ZSCAN32: variants seen among roughly 807,000 people sequenced by gnomAD.
ZSCAN32 encodes the protein zinc finger and SCAN domain-containing protein 32.
Under a neutral mutation model 47.4 loss-of-function variants are expected in ZSCAN32, and 52 were observed. That is an observed-to-expected ratio of 1.10 (90% CI 0.88 to 1.38). The LOEUF is 1.38. ZSCAN32 is among the 40% of genes most tolerant of loss of function. The pLI is 0.00. For synonymous variants in ZSCAN32, 346 were observed against 305.7 expected (o/e 1.13, Z -1.38); for missense variants, 959 against 846.0 (o/e 1.13, Z -1.66).
intron 5 of ZSCAN32, among the ~76,000 whole-genome samples, chr16:3,388,662 C>A (rs896225612): frequency 1.3e-5 from 2 of 152,182 alleles, no homozygotes; most frequent in African/African-American, 2.4e-5. Flanking sequence ...TCAACTCTTA[C>A]CTCTAATTTT....
At chr16:3,392,531 TA>T (rs2032837255) in intron 3 of ZSCAN32, among the ~76,000 whole-genome samples, 5 of 152,100 alleles carry the variant, frequency 3.3e-5, no homozygotes, top group Admixed American at 3.3e-4. Flanking sequence ...TTTTTTAGTT[TA>T]AAAAGTTTTC....
At chr16:3,397,150 C>G in intron 2 of ZSCAN32, 42 bp downstream of exon 2, 1 of 1,475,456 alleles carries the variant, frequency 6.8e-7, no homozygotes, top group Non-Finnish European at 9.0e-7. Flanking sequence ...TCCCCGACAA[C>G]TTCATAACCA....
chr16:3,389,019 TAAAAATCAC>T (rs2032343411), intron 5 of ZSCAN32, among the ~76,000 whole-genome samples: 1 of 152,212 alleles, frequency 6.6e-6, no homozygotes, highest in African/African-American at 2.4e-5. Flanking sequence ...CCTAATAAGT[TAAAAATCAC>T]AAGTACAAAA....
chr16:3,386,883 T>C (rs1356068105), intron 5 of ZSCAN32, among the ~76,000 whole-genome samples: 1 of 151,048 alleles, frequency 6.6e-6, no homozygotes. Context: ...ATGGCACATG[T>C]ATACATATGT....
intron 2 of ZSCAN32, 111 bp from the exon 3 acceptor site, chr16:3,393,925 A>C (rs1242352308): frequency 1.1e-6 from 1 of 935,406 alleles, no homozygotes; most frequent in Non-Finnish European, 1.5e-6. Context: ...GAAGAGAAAA[A>C]TCTAGGAGCC....
At chr16:3,385,072 C>A (rs993119648) in intron 5 of ZSCAN32, 131 bp from the exon 6 acceptor site, 1 of 1,124,272 alleles carries the variant, frequency 8.9e-7, no homozygotes, top group Non-Finnish European at 1.3e-6. Context: ...CACCTGTAAT[C>A]CCAGCACTTT....
rs200555060 is a variant in ZSCAN32 at position 3,382,916 on chromosome 16, G to A, written c.2030C>T (p.Thr677Ile). 19 of 1,610,960 alleles carry A rather than the reference G, an allele frequency of 1.2e-5. No individual in the cohort carries two copies. The highest frequency in any genetic ancestry group is 1.4e-5 in the Non-Finnish European group (16 of 1,178,328). Residue 677 changes from threonine (T) to isoleucine (I), a missense_variant, in exon 7 of 7, where the codon ACC becomes ATC. Coordinates refer to ENST00000396852, the MANE Select transcript of ZSCAN32 (RefSeq NM_001284527.2). ...ERGFTKNSAL[T>I]RHQTVHMKAV... The stretch of plus-strand genomic sequence containing the variant: ...TTTCATGTGTACTGTCTGATGACGG[G>A]TGAGGGCAGAGTTCTTAGTGAAGCC...
At position 3,383,264 on chromosome 16, in the gene ZSCAN32, C is replaced by T. The variant is rs752388614; in HGVS notation, c.1682G>A (p.Arg561His). 4.8e-5 allele frequency: 78 copies of T among 1,614,160 alleles called. 1 individual carries two copies. The Middle Eastern group carries it at 1.2e-3, about 24-fold the overall frequency. The change falls in exon 7 of 7, where the codon CGC becomes CAC. Residue 561 changes from arginine (R) to histidine (H), a missense_variant. Coordinates refer to ENST00000396852, the MANE Select transcript of ZSCAN32 (RefSeq NM_001284527.2). ...CSECGKGFSE[R>H]SNLTAHLRTH... is the part of the protein sequence containing the mutation. ...TCGTAGGTGGGCAGTGAGGTTGGAG[C>T]GCTCACTAAAGCCCTTCCCGCACTC...
At chr16:3,397,791 C>T (rs552385681) in intron 1 of ZSCAN32, 47 bp from the exon 2 acceptor site, 41 of 459,136 alleles carry the variant, frequency 8.9e-5, no homozygotes, top group African/African-American at 6.0e-4. Context: ...AACATTCCTT[C>T]ACTCTGGTTC....
chr16:3,395,840 A>G (rs1243472954), intron 2 of ZSCAN32, among the ~76,000 whole-genome samples: 2 of 152,116 alleles, frequency 1.3e-5, no homozygotes, highest in African/African-American at 2.4e-5. Context: ...CTGTAATAAA[A>G]AACAAAAATT....
intron 1 of ZSCAN32, among the ~76,000 whole-genome samples, chr16:3,398,508 C>G (rs769742120): frequency 6.6e-6 from 1 of 152,192 alleles, no homozygotes; most frequent in Non-Finnish European, 1.5e-5. Flanking sequence ...TAAACTCTTT[C>G]TCTATTGCAG....
At chr16:3,383,878 G>A (rs535086673) in intron 6 of ZSCAN32, 167 bp from the exon 7 acceptor site, 1 of 841,692 alleles carries the variant, frequency 1.2e-6, no homozygotes, top group African/African-American at 1.7e-5. Context: ...TAATATTTTT[G>A]AGCTCCAAAT....
In ZSCAN32 at chr16:3,390,008, A is replaced by AC; in HGVS notation, c.751+1dup. The stretch of plus-strand genomic sequence containing the variant: ...TGACCTGGAGGGAAGATGGATCCTT[A>AC]CCCAGCGAGACGTGACTGTCCTTCC... On this transcript the variant is annotated splice_donor_variant, in intron 5 of 6. Transcript: ENST00000396852. LOFTEE classifies it high-confidence loss of function. 6.2e-7 allele frequency: 1 copy of AC among 1,608,224 alleles called. No individual in the cohort carries two copies. The highest frequency in any genetic ancestry group is 1.1e-5 in the South Asian group (1 of 89,994).
chr16:3,400,742 G>A (rs1475056363), intron 1 of ZSCAN32, among the ~76,000 whole-genome samples: 2 of 152,120 alleles, frequency 1.3e-5, no homozygotes, highest in Non-Finnish European at 2.9e-5. Context: ...CAGGCTCGGG[G>A]TGATCCGCAC....
intron 5 of ZSCAN32, among the ~76,000 whole-genome samples, chr16:3,389,028 C>T (rs2032345014): frequency 6.6e-6 from 1 of 152,178 alleles, no homozygotes; most frequent in Non-Finnish European, 1.5e-5. Context: ...TTAAAAATCA[C>T]AAGTACAAAA....
chr16:3,392,925 C>T (rs965580362), intron 3 of ZSCAN32, among the ~76,000 whole-genome samples: 2 of 151,004 alleles, frequency 1.3e-5, no homozygotes, highest in Non-Finnish European at 2.9e-5. Flanking sequence ...AAAATGTATT[C>T]TGGAAAAGAT....
At position 3,397,732 on chromosome 16, in the gene ZSCAN32, C is replaced by T. The variant is rs1054145056; in HGVS notation, c.-175G>A. 3 of 727,354 alleles carry T rather than the reference C, an allele frequency of 4.1e-6. No individual in the cohort carries two copies. The African/African-American group carries it at 5.3e-5, about 13-fold the overall frequency. 45.1% of individuals were successfully genotyped at this position (727,354 alleles called of 1,614,324 possible). ...CTCACAGCGGAAAAAAAGGGCTCAA[C>T]TTTGAAGGATGTCTGAAGAGGATGG... is the stretch of plus-strand genomic sequence containing the variant. On this transcript the variant is annotated 5_prime_UTR_variant, in exon 2 of 7. Coordinates refer to ENST00000396852, the MANE Select transcript of ZSCAN32 (RefSeq NM_001284527.2).
Position 3,400,961 on chromosome 16 carries a change from C to T in ZSCAN32, c.-204G>A, listed in dbSNP as rs1381483624. ...AGAACTCACCGGACACCAGCACTCG[C>T]GACTCCACAAACTCCCTCAGCCTCC... On this transcript the variant is annotated 5_prime_UTR_variant, in exon 1 of 7. Coordinates refer to ENST00000396852, the MANE Select transcript of ZSCAN32 (RefSeq NM_001284527.2). 1 of 152,594 alleles carries T rather than the reference C, an allele frequency of 6.6e-6. No homozygotes were observed. Among genetic ancestry groups the T allele is most frequent in the Non-Finnish European group, 1.5e-5 (1 of 68,218 alleles). The allele number at this position is 152,594 out of a possible 1,614,324, so 9.5% of individuals were successfully genotyped here. A position where few individuals can be genotyped will look rare whatever the true frequency, so the allele number is the denominator to read the frequency against.
Position 3,390,352 on chromosome 16 carries a change from C to T in ZSCAN32, c.627+71G>A, listed in dbSNP as rs566003265. 1.3e-5 allele frequency: 18 copies of T among 1,434,860 alleles called. No individual in the cohort carries two copies. In the South Asian group the frequency reaches 2.3e-4, roughly 19 times the overall value. The allele number at this position is 1,434,860 out of a possible 1,614,324, so 88.9% of individuals were successfully genotyped here. A position where few individuals can be genotyped will look rare whatever the true frequency, so the allele number is the denominator to read the frequency against. On this transcript the variant is annotated intron_variant, in intron 4 of 6. Coordinates refer to ENST00000396852, the MANE Select transcript of ZSCAN32 (RefSeq NM_001284527.2). The stretch of plus-strand genomic sequence containing the variant: ...GGACCACACAGAATCTTTCTCATGT[C>T]TCTGGAAAGGAGGAGGGTTTTGGGG...
Sources: allele counts gnomAD v4.1 joint callset (sites outside exome capture counted in the v4.1 genomes callset), GRCh38; gene constraint gnomAD v4.1.1; transcripts MANE v1.5; gene names NCBI Gene and HGNC (gene_info 2026-07-23, HGNC 2026-07-21).